Variants in OSR1 observed in about 807,000 individuals in gnomAD.
The protein encoded by OSR1 is protein odd-skipped-related 1.
OSR1 carries 3 observed loss-of-function variants against 15.7 expected under a neutral mutation model. That is an observed-to-expected ratio of 0.19 (90% confidence interval 0.09 to 0.50). The LOEUF (loss-of-function observed/expected upper bound fraction) is 0.50, where lower values mean the gene tolerates loss of function less well. Ranked by LOEUF, OSR1 falls within the 20% of genes least tolerant of loss-of-function variation. OSR1 has a pLI of 0.97. For missense variants in OSR1, 271 were observed against 351.1 expected (o/e 0.77, Z 1.82); for synonymous variants, 166 against 152.7 (o/e 1.09, Z -0.64).
At chr2:19,350,230 G>C (rs563437393), downstream of OSR1, among the ~76,000 whole-genome samples, 2 of 152,156 alleles carry the variant, frequency 1.3e-5, no homozygotes, top group South Asian at 4.1e-4. Flanking sequence ...GCGAGGTTGC[G>C]GGCAAGACCC....
rs532648249 is a variant in OSR1, at chr2:19,352,895, G to A, written c.665+246C>T. On this transcript the variant is annotated intron_variant, in intron 2 of 2. Transcript: ENST00000272223. ...GGATGGAGGAAGTGGGGCAGAGGAAGCTGTGTGCTTGTCTGGAGCTCACGG... is the reference window on the plus strand; with the variant it reads ...GGATGGAGGAAGTGGGGCAGAGGAAACTGTGTGCTTGTCTGGAGCTCACGG... 5.3e-5 allele frequency among the ~76,000 whole-genome samples: 8 copies of A among 152,354 alleles called. No individual in the cohort carries two copies. The South Asian group carries it at 1.2e-3, about 24-fold the overall frequency.
Position 19,353,916 on chromosome 2 carries a change from G to A in OSR1, c.-32-79C>T, listed in dbSNP as rs552334249. 25 of 1,192,378 alleles carry A rather than the reference G, an allele frequency of 2.1e-5. No individual in the cohort carries two copies. In the African/African-American group the frequency reaches 2.8e-4, roughly 13 times the overall value. 73.9% of individuals were successfully genotyped at this position (1,192,378 alleles called of 1,614,324 possible). A position where few individuals can be genotyped will look rare whatever the true frequency, so the allele number is the denominator to read the frequency against. On this transcript the variant is annotated intron_variant, in intron 1 of 2. Coordinates refer to ENST00000272223, the MANE Select transcript of OSR1 (RefSeq NM_145260.3). ...TGGGTCGCCTTCCTCCTGAATTCCA[G>A]CCGAGCCACACCCTCTCCTCACACC...
downstream of OSR1, chr2:19,348,527 A>G: frequency 6.5e-6 from 1 of 154,202 alleles, no homozygotes; most frequent in Middle Eastern, 5.2e-4. Context: ...GACTCTTTTG[A>G]GCCGGCTATG....
intron 1 of OSR1, chr2:19,358,011 T>C (rs1664984846): frequency 6.6e-6 from 1 of 152,200 alleles, no homozygotes; most frequent in South Asian, 2.1e-4. Flanking sequence ...GTTGCTCTGG[T>C]TTCTTAAAGG....
At position 19,352,100 on chromosome 2, in the gene OSR1, G is replaced by T. The variant is rs910316250; in HGVS notation, c.*175C>A. 25 of 616,108 alleles carry T rather than the reference G, an allele frequency of 4.1e-5. No homozygotes were observed. The highest frequency in any genetic ancestry group is 3.1e-4 in the African/African-American group (17 of 54,016). 38.2% of individuals were successfully genotyped at this position (616,108 alleles called of 1,614,324 possible). A position where few individuals can be genotyped will look rare whatever the true frequency, so the allele number is the denominator to read the frequency against. On this transcript the variant is annotated 3_prime_UTR_variant, in exon 3 of 3. Coordinates refer to ENST00000272223, the MANE Select transcript of OSR1 (RefSeq NM_145260.3). Reference sequence around the variant, plus strand: ...GGGAGCAGCAGGGACGGTCGGGGTCGCGGCCCCGGGCGGGGCTCTGAAGTG... The same window carrying T: ...GGGAGCAGCAGGGACGGTCGGGGTCTCGGCCCCGGGCGGGGCTCTGAAGTG...
chr2:19,349,076 G>A (rs1198123404), downstream of OSR1, among the ~76,000 whole-genome samples: 1 of 152,230 alleles, frequency 6.6e-6, no homozygotes, highest in Non-Finnish European at 1.5e-5. Flanking sequence ...CTGGAGAGGA[G>A]ACAAGAGCTG....
chr2:19,348,964 C>T (rs769629693), downstream of OSR1, among the ~76,000 whole-genome samples: 1 of 152,238 alleles, frequency 6.6e-6, no homozygotes. Context: ...CTGAACTCCA[C>T]CTGGCCAGCA....
intron 1 of OSR1, chr2:19,358,021 G>C (rs897635683): frequency 8.5e-5 from 13 of 152,240 alleles, no homozygotes; most frequent in African/African-American, 2.9e-4. Flanking sequence ...TTTCTTAAAG[G>C]GGGCCCACAG....
In OSR1 at chr2:19,353,621, A is replaced by C. The variant is rs1011740676; in HGVS notation, c.185T>G (p.Met62Arg). 2.5e-6 allele frequency: 4 copies of C among 1,614,136 alleles called. No homozygotes were observed. The highest frequency in any genetic ancestry group is 3.4e-6 in the Non-Finnish European group (4 of 1,180,058). Residue 62 changes from methionine to arginine, a missense_variant, in exon 2 of 3, where the codon ATG becomes AGG. Around this residue, in one of 4 missense-constraint regions of OSR1, gnomAD observed 210 missense variants for 218.4 expected, o/e 0.96. Transcript: ENST00000272223. ...LHQWTLGYPA[M>R]HLPRSSFSKV... ...GGAGAAAGAAGAGCGCGGCAAGTGC[A>C]TGGCCGGGTAGCCCAGCGTCCACTG...
intron 2 of OSR1, 58 bp from the exon 3 acceptor site, chr2:19,352,468 G>A: frequency 6.3e-7 from 1 of 1,592,064 alleles, no homozygotes; most frequent in Non-Finnish European, 8.6e-7. Flanking sequence ...ATAAACAGTT[G>A]CCCAAGATCC....
chr2:19,347,358 T>C (rs1182673117), downstream of OSR1, among the ~76,000 whole-genome samples: 1 of 152,140 alleles, frequency 6.6e-6, no homozygotes, highest in South Asian at 2.1e-4. Context: ...ATGAGGTAGG[T>C]AGGAAAAGCC....
the OSR1 span, among the ~76,000 whole-genome samples, chr2:19,345,446 T>G: frequency 6.6e-6 from 1 of 152,068 alleles, no homozygotes; most frequent in Non-Finnish European, 1.5e-5. Flanking sequence ...GGTCTAACGT[T>G]TAAGTCTTTA....
At position 19,353,497 on chromosome 2, in the gene OSR1, G is replaced by A. The variant is rs1174987563; in HGVS notation, c.309C>T (p.Thr103=). 3 of 1,614,096 alleles carry A rather than the reference G, an allele frequency of 1.9e-6. No individual in the cohort carries two copies. The highest frequency in any genetic ancestry group is 2.2e-5 in the East Asian group (1 of 44,892). ...PHVIQPKPEI[T]AGGSVPALKT... ...TGAGCGCTGGAACGCTGCCTCCAGC[G>A]GTGATCTCGGGCTTGGGTTGAATGA... The change falls in exon 2 of 3, where the codon ACC becomes ACT. Residue 103 remains threonine, a synonymous_variant. Transcript: ENST00000272223.
chr2:19,355,769 T>G (rs1319999530), intron 1 of OSR1: 1 of 152,252 alleles, frequency 6.6e-6, no homozygotes, highest in African/African-American at 2.4e-5. Context: ...CGCCGTGGCT[T>G]CAGCAACGGT....
downstream of OSR1, among the ~76,000 whole-genome samples, chr2:19,350,327 G>A (rs1049751229): frequency 1.3e-5 from 2 of 152,296 alleles, no homozygotes; most frequent in African/African-American, 4.8e-5. Flanking sequence ...GGGCTGGTCC[G>A]CGCCGGCAGG....
intron 1 of OSR1, 80 bp from the exon 2 acceptor site, chr2:19,353,917 C>A: frequency 8.7e-7 from 1 of 1,152,836 alleles, no homozygotes; most frequent in East Asian, 2.6e-5. Flanking sequence ...TGAATTCCAG[C>A]CGAGCCACAC....
the OSR1 span, among the ~76,000 whole-genome samples, chr2:19,345,478 G>T: frequency 6.6e-6 from 1 of 151,924 alleles, no homozygotes; most frequent in Non-Finnish European, 1.5e-5. Flanking sequence ...ATTAATTTTT[G>T]TATAAGGTGT....
At position 19,353,381 on chromosome 2, in the gene OSR1, G is replaced by A. The variant is rs760240477; in HGVS notation, c.425C>T (p.Ser142Phe). The A allele has an allele frequency of 4.3e-6, 7 of 1,614,204 alleles. No homozygotes were observed. The highest frequency in any genetic ancestry group is 1.1e-5 in the South Asian group (1 of 91,092). The change falls in exon 2 of 3, where the codon TCC becomes TTC. Residue 142 changes from serine (S) to phenylalanine (F), a missense_variant. Physicochemically the swap from Ser to Phe is radical, Grantham distance 155 (BLOSUM62 -2). Coordinates refer to ENST00000272223, the MANE Select transcript of OSR1 (RefSeq NM_145260.3). ...GAGGGCACCCAGCCCACCTGCAGGG[G>A]AGCCTGGGCCCTCCCCGCGACCGAG... is the stretch of plus-strand genomic sequence containing the variant. ...AKLGRGEGPG[S>F]PAGGLGALLD... is the part of the protein sequence containing the mutation.
downstream of OSR1, among the ~76,000 whole-genome samples, chr2:19,347,462 T>A: frequency 6.6e-6 from 1 of 152,236 alleles, no homozygotes; most frequent in East Asian, 1.9e-4. Flanking sequence ...CTGGGTCTTC[T>A]GGCCCTTCCC....
Sources: gnomAD v4.1 joint callset for allele counts (sites outside exome capture counted in the v4.1 genomes callset) on GRCh38, gnomAD v4.1.1 for gene constraint, gnomAD v4.1.1 regional missense constraint, MANE v1.5 for transcripts, NCBI Gene and HGNC (gene_info 2026-07-23, HGNC 2026-07-21) for gene names.